Variants in ST7 observed in about 807,000 individuals in gnomAD.
The protein encoded by ST7 is suppression of tumorigenicity 7, also known as suppressor of tumorigenicity 7 protein.
ST7 carries 28 observed loss-of-function variants against 78.7 expected under a neutral mutation model. The observed-to-expected ratio is 0.36, with a 90% confidence interval of 0.26 to 0.49. The LOEUF (loss-of-function observed/expected upper bound fraction) is 0.49. Among genes scored for constraint, ST7 ranks in the 20% least tolerant of loss-of-function variants. ST7 has a pLI of 0.99. For missense variants in ST7, 418 were observed against 696.0 expected, an observed-to-expected ratio of 0.60 and a Z score of 4.49; for synonymous variants, 247 against 249.6, an observed-to-expected ratio of 0.99 and a Z score of 0.10.
At chr7:117,123,664 T>A (rs892663367) in intron 3 of ST7, among the ~76,000 whole-genome samples, 1 of 152,168 alleles carries the variant, frequency 6.6e-6, no homozygotes, top group Non-Finnish European at 1.5e-5. Context: ...ATTTCTTAAT[T>A]CAGCTTAGTT....
intron 1 of ST7, among the ~76,000 whole-genome samples, chr7:116,975,400 G>T (rs1464988220): frequency 1.3e-5 from 2 of 151,722 alleles, no homozygotes; most frequent in African/African-American, 4.9e-5. Context: ...TATTATGGGG[G>T]TTTTTTGAAA....
chr7:117,115,900 A>C (rs1009767220), intron 2 of ST7, among the ~76,000 whole-genome samples: 3 of 152,110 alleles, frequency 2.0e-5, no homozygotes, highest in Admixed American at 2.0e-4. Context: ...CAACCTTCCA[A>C]ATATCCTTCC....
intron 9 of ST7, chr7:117,146,338 A>G (rs1204668480): frequency 1.3e-5 from 2 of 152,270 alleles, no homozygotes; most frequent in Admixed American, 6.5e-5. Context: ...GTGTTCAAGC[A>G]ACAGCAAAGG....
intron 1 of ST7, among the ~76,000 whole-genome samples, chr7:117,070,304 A>G (rs1002789662): frequency 2.6e-5 from 4 of 152,208 alleles, no homozygotes; most frequent in African/African-American, 9.6e-5. Flanking sequence ...TAACATCTTC[A>G]GGCCCATTTC....
At chr7:117,028,119 A>G (rs1341033127) in intron 1 of ST7, among the ~76,000 whole-genome samples, 1 of 152,196 alleles carries the variant, frequency 6.6e-6, no homozygotes, top group Non-Finnish European at 1.5e-5. Flanking sequence ...TTTTATTACT[A>G]AGCCCAAATT....
At chr7:117,216,082 T>C (rs1002614792) in intron 13 of ST7, among the ~76,000 whole-genome samples, 2 of 151,974 alleles carry the variant, frequency 1.3e-5, no homozygotes, top group Admixed American at 6.6e-5. Flanking sequence ...TGTTTATTTT[T>C]CCCCCCAGTA....
chr7:117,102,448 C>T (rs1801633729), intron 2 of ST7, among the ~76,000 whole-genome samples: 2 of 152,052 alleles, frequency 1.3e-5, no homozygotes, highest in Admixed American at 6.6e-5. Flanking sequence ...GGATTGAGGG[C>T]AGAGGAAAAT....
At chr7:117,089,634 C>T (rs1446115972) in intron 1 of ST7, among the ~76,000 whole-genome samples, 3 of 150,234 alleles carry the variant, frequency 2.0e-5, no homozygotes, top group African/African-American at 4.9e-5. Flanking sequence ...TGCAATGGCG[C>T]GATCTCGGCT....
chr7:117,191,826 A>ACTTC, intron 12 of ST7: 1 of 152,212 alleles, frequency 6.6e-6, no homozygotes, highest in East Asian at 1.9e-4. Flanking sequence ...AAAATGACAA[A>ACTTC]GGAAGGCTGT....
chr7:117,044,393 A>C (rs1006410820), intron 1 of ST7, among the ~76,000 whole-genome samples: 2 of 151,950 alleles, frequency 1.3e-5, no homozygotes, highest in Admixed American at 1.3e-4. Context: ...TTTTTTCGAG[A>C]CAGAGTGCAG....
intron 1 of ST7, among the ~76,000 whole-genome samples, chr7:117,060,969 G>C (rs1470359069): frequency 6.6e-6 from 1 of 152,136 alleles, no homozygotes; most frequent in Non-Finnish European, 1.5e-5. Context: ...TTGCACCACT[G>C]CACTCCAGCC....
intron 2 of ST7, 64 bp from the exon 3 acceptor site, chr7:117,119,497 G>T: frequency 1.4e-6 from 2 of 1,427,552 alleles, no homozygotes; most frequent in Admixed American, 2.6e-5. Context: ...ATGTTTTATG[G>T]GCATGTGTAC....
intron 10 of ST7, 151 bp downstream of exon 10, chr7:117,171,127 A>G (rs551227068): frequency 2.5e-5 from 12 of 472,892 alleles, no homozygotes; most frequent in Non-Finnish European, 4.4e-5. Flanking sequence ...GGTGTTTGGT[A>G]TGATCTTAGA....
intron 1 of ST7, chr7:116,959,511 C>A: frequency 3.4e-6 from 1 of 290,164 alleles, no homozygotes; most frequent in Non-Finnish European, 6.7e-6. Context: ...GAATGAATAT[C>A]CAAGTTACGG....
intron 1 of ST7, among the ~76,000 whole-genome samples, chr7:116,980,592 C>A (rs1448074084): frequency 2.0e-5 from 3 of 152,166 alleles, no homozygotes; most frequent in African/African-American, 7.2e-5. Context: ...GCTGTTGTCA[C>A]AAGAAACAGC....
intron 13 of ST7, among the ~76,000 whole-genome samples, chr7:117,216,643 G>T (rs925635243): frequency 5.3e-5 from 8 of 152,142 alleles, no homozygotes; most frequent in Non-Finnish European, 8.8e-5. Context: ...GCCTCTACCG[G>T]CCTCTCTCTG....
chr7:116,985,977 C>G (rs544459646), intron 1 of ST7, among the ~76,000 whole-genome samples: 93 of 152,128 alleles, frequency 6.1e-4, no homozygotes, highest in Non-Finnish European at 1.1e-3. Flanking sequence ...GGATTACAGG[C>G]ATGCACCACC....
At chr7:116,962,795 C>T (rs1300073198) in intron 1 of ST7, among the ~76,000 whole-genome samples, 1 of 152,050 alleles carries the variant, frequency 6.6e-6, no homozygotes, top group Non-Finnish European at 1.5e-5. Flanking sequence ...TTATGTGACT[C>T]TGGGGTTTTC....
At chr7:116,974,137 T>C (rs531409376) in intron 1 of ST7, among the ~76,000 whole-genome samples, 1 of 152,344 alleles carries the variant, frequency 6.6e-6, no homozygotes, top group South Asian at 2.1e-4. Context: ...GACGTGTGTG[T>C]CTGCCTTTCT....
Sources: allele counts gnomAD v4.1 joint callset (sites outside exome capture counted in the v4.1 genomes callset), GRCh38; gene constraint gnomAD v4.1.1; transcripts MANE v1.5; gene names NCBI Gene and HGNC (gene_info 2026-07-23, HGNC 2026-07-21).